ZFHX3: variants seen among roughly 807,000 people sequenced by gnomAD.
ZFHX3 encodes the protein zinc finger homeobox protein 3.
In ZFHX3, 42 loss-of-function variants were observed where a neutral mutation model predicts 279.1. That is an observed-to-expected ratio of 0.15 (90% CI 0.12 to 0.19). The LOEUF (loss-of-function observed/expected upper bound fraction) is 0.19, where lower values mean the gene tolerates loss of function less well. Among genes scored for constraint, ZFHX3 ranks in the 10% least tolerant of loss-of-function variants. The pLI is 1.00. For missense variants in ZFHX3, 4,981 were observed against 4,754.0 expected, an observed-to-expected ratio of 1.05 and a Z score of -1.40; for synonymous variants, 2,293 against 1,957.8, an observed-to-expected ratio of 1.17 and a Z score of -4.52.
Position 73,272,808 on chromosome 16 carries a change from G to A in ZFHX3, c.-1193-15672C>T, listed in dbSNP as rs557278115. Among the ~76,000 whole-genome samples the A allele has an allele frequency of 7.2e-5, 11 of 152,260 alleles. 1 individual carries two copies. Among genetic ancestry groups the A allele is most frequent in the African/African-American group, 2.2e-4 (9 of 41,548 alleles). On this transcript the variant is annotated intron_variant, in intron 4 of 17. Transcript: ENST00000641206. ...GTCGCCCAGGCTGGAGCACAGTGGC[G>A]ATGACATGGTTCACTGCAGCCTTAA...
chr16:73,871,494 A>AAGAGAG (rs552408513), intron 1 of ZFHX3, among the ~76,000 whole-genome samples: 1 of 149,532 alleles, frequency 6.7e-6, no homozygotes, highest in Non-Finnish European at 1.5e-5. Context: ...TAAAAAAAAA[A>AAGAGAG]AGAGAGAGAG....
chr16:73,387,978 G>A (rs947993483), intron 3 of ZFHX3, among the ~76,000 whole-genome samples: 1 of 152,048 alleles, frequency 6.6e-6, no homozygotes, highest in Non-Finnish European at 1.5e-5. Flanking sequence ...GAGAATGAGT[G>A]AGAGAGGGAG....
chr16:73,837,622 TTTC>T (rs1287821248), intron 1 of ZFHX3, among the ~76,000 whole-genome samples: 8 of 57,022 alleles, frequency 1.4e-4, no homozygotes, highest in African/African-American at 8.0e-4. Context: ...TTGCTGCTAT[TTTC>T]TTTTCTTTTC....
intron 3 of ZFHX3, among the ~76,000 whole-genome samples, chr16:73,395,368 G>A (rs1205593649): frequency 6.6e-6 from 1 of 152,074 alleles, no homozygotes; most frequent in East Asian, 1.9e-4. Context: ...GGAGGCTGAG[G>A]TAGGAGAATC....
intron 4 of ZFHX3, among the ~76,000 whole-genome samples, chr16:72,848,466 A>T (rs929368743): frequency 3.9e-5 from 6 of 152,146 alleles, no homozygotes; most frequent in Non-Finnish European, 8.8e-5. Context: ...AATGCAAAGG[A>T]AACTCCGCTG....
chr16:73,487,644 T>C (rs148059135), intron 2 of ZFHX3: 45 of 252,910 alleles, frequency 1.8e-4, no homozygotes, highest in African/African-American at 9.5e-4. Flanking sequence ...TGGGCTCAAG[T>C]GATACTCACC....
At chr16:73,511,288 T>C (rs2019424211) in intron 2 of ZFHX3, among the ~76,000 whole-genome samples, 1 of 152,210 alleles carries the variant, frequency 6.6e-6, no homozygotes, top group African/African-American at 2.4e-5. Context: ...CTCTGTTCTA[T>C]GTCTCTTTCC....
At chr16:73,669,269 G>C (rs1269167087) in intron 2 of ZFHX3, among the ~76,000 whole-genome samples, 1 of 152,156 alleles carries the variant, frequency 6.6e-6, no homozygotes, top group African/African-American at 2.4e-5. Flanking sequence ...GGCCAGGCTT[G>C]TCTCAAACTC....
intron 2 of ZFHX3, among the ~76,000 whole-genome samples, chr16:73,583,956 A>G (rs929551204): frequency 6.6e-6 from 1 of 152,220 alleles, no homozygotes; most frequent in Non-Finnish European, 1.5e-5. Context: ...GAAACATGAA[A>G]GGGCAAATAA....
chr16:73,392,229 G>A (rs974669049), intron 3 of ZFHX3, among the ~76,000 whole-genome samples: 1 of 151,708 alleles, frequency 6.6e-6, no homozygotes, highest in African/African-American at 2.4e-5. Context: ...ATACCAGCCT[G>A]GCCAACATGG....
rs759633185 is a variant in ZFHX3, at chr16:72,796,287, T to C, written c.6395A>G (p.Tyr2132Cys). The C allele has an allele frequency of 1.2e-6, 2 of 1,614,018 alleles. No homozygotes were observed. The highest frequency in any genetic ancestry group is 2.2e-5 in the South Asian group (2 of 91,058). The change falls in exon 9 of 10, where the codon TAC becomes TGC. Residue 2132 changes from tyrosine (Y) to cysteine (C), a missense_variant. Physicochemically the swap from Tyr to Cys is radical, Grantham distance 194 (BLOSUM62 -2). Around this residue, in one of 7 missense-constraint regions of ZFHX3, gnomAD observed 1,751 missense variants for 1,770.0 expected, o/e 0.99. Transcript: ENST00000268489. Reference protein sequence around the residue: ...EPLPADLAQLYQHQLNPTLLQ... With the variant: ...EPLPADLAQLCQHQLNPTLLQ... ...CAGGGTTGGATTGAGCTGATGCTGG[T>C]AGAGTTGGGCCAGGTCCGCAGGCAG...
At chr16:72,900,057 C>T (rs1043815267) in intron 3 of ZFHX3, among the ~76,000 whole-genome samples, 10 of 131,228 alleles carry the variant, frequency 7.6e-5, no homozygotes, top group African/African-American at 2.7e-4. Flanking sequence ...TTCACCCTTA[C>T]AAGAAGTGCA....
intron 7 of ZFHX3, among the ~76,000 whole-genome samples, chr16:73,101,166 C>G (rs1331230037): frequency 1.3e-5 from 2 of 152,152 alleles, no homozygotes; most frequent in Non-Finnish European, 2.9e-5. Flanking sequence ...CCTCTCCAAC[C>G]TGTTTGTACC....
chr16:73,539,433 CTTTTTTTTT>C lies in ZFHX3; in HGVS notation c.-1546-83184_-1546-83176del, dbSNP rs1162434013. Among the ~76,000 whole-genome samples, 73 of 65,076 alleles carry C rather than the reference CTTTTTTTTT, an allele frequency of 1.1e-3. 1 individual carries two copies. The highest frequency in any genetic ancestry group is 3.7e-3 in the African/African-American group (64 of 17,432). The allele number at this position is 65,076 out of a possible 152,430, so 42.7% of individuals were successfully genotyped here. On this transcript the variant is annotated intron_variant, in intron 2 of 17. Coordinates refer to the ZFHX3 transcript ENST00000641206. ...TAAATTTTTTTCCCTTCCTCTTCTTCTTTTTTTTTTTTTTTTTTTTTTTTTTTTTATAAG... is the reference window on the plus strand; with the variant it reads ...TAAATTTTTTTCCCTTCCTCTTCTTCTTTTTTTTTTTTTTTTTTTTATAAG...
chr16:73,386,190 CA>C (rs987915508), intron 3 of ZFHX3, among the ~76,000 whole-genome samples: 8 of 137,778 alleles, frequency 5.8e-5, no homozygotes, highest in Admixed American at 2.1e-4. Context: ...GTTTCTCTCC[CA>C]CCGTCTCTGT....
chr16:73,522,791 A>G (rs902556944), intron 2 of ZFHX3, among the ~76,000 whole-genome samples: 4 of 152,072 alleles, frequency 2.6e-5, no homozygotes, highest in African/African-American at 9.7e-5. Flanking sequence ...GATTTAACTG[A>G]CTCCCAGTTC....
At chr16:73,426,993 C>T (rs749473532) in intron 3 of ZFHX3, among the ~76,000 whole-genome samples, 1 of 152,132 alleles carries the variant, frequency 6.6e-6, no homozygotes, top group African/African-American at 2.4e-5. Flanking sequence ...CCTGCACTTG[C>T]TACCCTGACG....
chr16:73,632,842 C>T (rs974474407), intron 2 of ZFHX3, among the ~76,000 whole-genome samples: 4 of 152,064 alleles, frequency 2.6e-5, no homozygotes, highest in African/African-American at 9.6e-5. Flanking sequence ...TTTGGGAGGC[C>T]GAGGCAGGTA....
At chr16:72,991,827 G>GT (rs1470859952) in intron 1 of ZFHX3, among the ~76,000 whole-genome samples, 1 of 152,138 alleles carries the variant, frequency 6.6e-6, no homozygotes, top group Non-Finnish European at 1.5e-5. Flanking sequence ...ATGGTTCCAG[G>GT]TGGGAGTGGG....
Sources: gnomAD v4.1 joint callset for allele counts (sites outside exome capture counted in the v4.1 genomes callset) on GRCh38, gnomAD v4.1.1 for gene constraint, gnomAD v4.1.1 regional missense constraint, MANE v1.5 for transcripts, NCBI Gene and HGNC (gene_info 2026-07-23, HGNC 2026-07-21) for gene names.